The following NTM variants were observed in gnomAD, a reference collection of about 807,000 sequenced individuals.
The protein encoded by NTM is neurotrimin.
In NTM, 13 loss-of-function variants were observed where a neutral mutation model predicts 42.1. The observed-to-expected ratio is 0.31, with a 90% CI of 0.20 to 0.49. The LOEUF is 0.49. Among genes scored for constraint, NTM ranks in the 20% least tolerant of loss-of-function variants. NTM has a pLI of 0.99. For missense variants in NTM, 373 were observed against 452.8 expected (o/e 0.82, Z 1.60); for synonymous variants, 187 against 179.2 (o/e 1.04, Z -0.35).
chr11:131,375,152 T>C (rs994845052), intron 1 of NTM, among the ~76,000 whole-genome samples: 2 of 152,118 alleles, frequency 1.3e-5, no homozygotes, highest in Non-Finnish European at 2.9e-5. Context: ...TAAGCTCAAA[T>C]TTCTCTGTTT....
chr11:132,318,526 C>T (rs149189954), intron 7 of NTM, among the ~76,000 whole-genome samples: 1 of 152,264 alleles, frequency 6.6e-6, no homozygotes, highest in African/African-American at 2.4e-5. Flanking sequence ...CAAATATCTC[C>T]CGCGTCTCTT....
intron 2 of NTM, among the ~76,000 whole-genome samples, chr11:131,976,369 A>T (rs1222230545): frequency 1.3e-5 from 2 of 152,068 alleles, no homozygotes; most frequent in East Asian, 3.9e-4. Flanking sequence ...CGGGGACAGT[A>T]TGGTTTATGG....
intron 1 of NTM, among the ~76,000 whole-genome samples, chr11:131,825,583 T>C (rs1010226230): frequency 6.6e-6 from 1 of 152,140 alleles, no homozygotes; most frequent in African/African-American, 2.4e-5. Context: ...CTGCACTGTA[T>C]GGGAAGGTTG....
intron 1 of NTM, among the ~76,000 whole-genome samples, chr11:131,652,565 G>A (rs969960225): frequency 6.6e-5 from 10 of 152,202 alleles, no homozygotes; most frequent in Non-Finnish European, 1.5e-4. Flanking sequence ...CAGCACTGTT[G>A]TCAAATACTT....
chr11:131,869,501 C>T (rs1466711429), intron 1 of NTM, among the ~76,000 whole-genome samples: 2 of 152,212 alleles, frequency 1.3e-5, no homozygotes, highest in African/African-American at 4.8e-5. Flanking sequence ...GAAATTGGCT[C>T]ATCCTGTCCT....
chr11:131,400,269 G>T (rs1944991147), intron 1 of NTM, among the ~76,000 whole-genome samples: 1 of 152,106 alleles, frequency 6.6e-6, no homozygotes, highest in Non-Finnish European at 1.5e-5. Context: ...CGAAGCAATT[G>T]CAGCTCAGTG....
At chr11:131,627,231 T>A (rs914168996) in intron 1 of NTM, among the ~76,000 whole-genome samples, 1 of 151,596 alleles carries the variant, frequency 6.6e-6, no homozygotes, top group African/African-American at 2.4e-5. Flanking sequence ...TTATTTATTT[T>A]TTTTGTGGGT....
At chr11:132,330,976 T>TTCATC (rs1215738601) in intron 8 of NTM, among the ~76,000 whole-genome samples, 70 of 152,328 alleles carry the variant, frequency 4.6e-4, no homozygotes, top group Non-Finnish European at 7.5e-4. Flanking sequence ...ACCTAAGGTC[T>TTCATC]TCATCTCATC....
At chr11:132,297,157 A>G (rs916040961) in intron 4 of NTM, among the ~76,000 whole-genome samples, 2 of 152,118 alleles carry the variant, frequency 1.3e-5, no homozygotes, top group African/African-American at 2.4e-5. Flanking sequence ...AAATACACAG[A>G]TGGCACTTCC....
At chr11:131,430,029 A>G (rs1344261507) in intron 1 of NTM, among the ~76,000 whole-genome samples, 2 of 152,172 alleles carry the variant, frequency 1.3e-5, no homozygotes, top group Non-Finnish European at 2.9e-5. Context: ...TTTTGCTCCA[A>G]AGCTATTTGC....
Position 131,965,957 on chromosome 11 carries a change from G to T in NTM, c.167+54309G>T, listed in dbSNP as rs144432927. Among the ~76,000 whole-genome samples the T allele has an allele frequency of 1.4e-3, 208 of 147,744 alleles. 1 individual carries two copies. The highest frequency in any genetic ancestry group is 5.0e-3 in the African/African-American group (200 of 39,932). On this transcript the variant is annotated intron_variant, in intron 2 of 8. Coordinates refer to ENST00000683400, the MANE Select transcript of NTM (RefSeq NM_001352005.2). Reference sequence around the variant, plus strand: ...AGGGAAGGGGGAAGGAAAGGAGGGAGGGAGGGAGGGAAGGGGGAAGGAAAG... The same window carrying T: ...AGGGAAGGGGGAAGGAAAGGAGGGATGGAGGGAGGGAAGGGGGAAGGAAAG...
At chr11:131,937,916 G>T (rs1305103229) in intron 2 of NTM, among the ~76,000 whole-genome samples, 1 of 152,198 alleles carries the variant, frequency 6.6e-6, no homozygotes, top group Non-Finnish European at 1.5e-5. Context: ...CTCTGAACTT[G>T]AGTGCCTTTT....
chr11:132,205,290 A>G (rs2081818929), intron 3 of NTM, among the ~76,000 whole-genome samples: 1 of 152,210 alleles, frequency 6.6e-6, no homozygotes, highest in Non-Finnish European at 1.5e-5. Flanking sequence ...ACAGTGCTTC[A>G]TAAAGCATCC....
chr11:131,781,952 C>T (rs971982611), intron 1 of NTM, among the ~76,000 whole-genome samples: 2 of 152,160 alleles, frequency 1.3e-5, no homozygotes, highest in African/African-American at 4.8e-5. Context: ...CACAAAGAGG[C>T]ATTAGCACAG....
intron 1 of NTM, among the ~76,000 whole-genome samples, chr11:131,529,810 C>A (rs772501932): frequency 5.3e-5 from 8 of 152,164 alleles, no homozygotes; most frequent in Non-Finnish European, 1.2e-4. Context: ...TAGGCATAAT[C>A]ACTACTGTTT....
chr11:131,911,659 G>T lies in NTM; in HGVS notation c.167+11G>T, dbSNP rs749071100. 1 of 1,614,058 alleles carries T rather than the reference G, an allele frequency of 6.2e-7. No homozygotes were observed. Among genetic ancestry groups the T allele is most frequent in the African/African-American group, 1.3e-5 (1 of 75,064 alleles). ...GAGCGCCACCCTCAGGTAGGGAGCTGACATTGTTCTGCGAACTGATGGTTT... is the reference window on the plus strand; with the variant it reads ...GAGCGCCACCCTCAGGTAGGGAGCTTACATTGTTCTGCGAACTGATGGTTT... On this transcript the variant is annotated intron_variant, in intron 2 of 8. Coordinates refer to ENST00000683400, the MANE Select transcript of NTM (RefSeq NM_001352005.2).
At chr11:132,136,508 G>A (rs2067944183) in intron 2 of NTM, among the ~76,000 whole-genome samples, 1 of 152,176 alleles carries the variant, frequency 6.6e-6, no homozygotes, top group South Asian at 2.1e-4. Flanking sequence ...TTGTGAACCA[G>A]ATTCCTTCTT....
At chr11:131,427,858 G>T (rs776012973) in intron 1 of NTM, among the ~76,000 whole-genome samples, 2 of 152,202 alleles carry the variant, frequency 1.3e-5, no homozygotes, top group Non-Finnish European at 2.9e-5. Flanking sequence ...GTATTCCTCT[G>T]CTCCTCCTTC....
intron 1 of NTM, among the ~76,000 whole-genome samples, chr11:131,585,699 T>A (rs1040646187): frequency 6.6e-6 from 1 of 152,154 alleles, no homozygotes; most frequent in African/African-American, 2.4e-5. Flanking sequence ...GGGCATTTCA[T>A]CAAAACACCG....
Sources: gnomAD v4.1 joint callset for allele counts (sites outside exome capture counted in the v4.1 genomes callset) on GRCh38, gnomAD v4.1.1 for gene constraint, MANE v1.5 for transcripts, NCBI Gene and HGNC (gene_info 2026-07-23, HGNC 2026-07-21) for gene names.